GSTCD: variants seen among roughly 807,000 people sequenced by gnomAD.
The protein encoded by GSTCD is glutathione S-transferase C-terminal domain containing.
Under a neutral mutation model 68.3 loss-of-function variants are expected in GSTCD, and 44 were observed. The ratio of observed to expected loss-of-function variants is 0.64; its 90% confidence interval spans 0.51 to 0.83. The LOEUF is 0.83. Ranked by LOEUF, GSTCD falls within the 40% of genes least tolerant of loss-of-function variation. The pLI is 0.00. For synonymous variants in GSTCD, 273 were observed against 255.2 expected, an observed-to-expected ratio of 1.07 and a Z score of -0.67; for missense variants, 739 against 735.9, an observed-to-expected ratio of 1.00 and a Z score of -0.05.
At chr4:105,790,105 C>T (rs942220537) in intron 5 of GSTCD, among the ~76,000 whole-genome samples, 7 of 151,914 alleles carry the variant, frequency 4.6e-5, no homozygotes, top group African/African-American at 7.3e-5. Flanking sequence ...AGTGGAAATC[C>T]GTGCCAAGTA....
chr4:105,811,632 GTAAC>G (rs1722757691), intron 5 of GSTCD, among the ~76,000 whole-genome samples: 2 of 151,740 alleles, frequency 1.3e-5, no homozygotes, highest in Non-Finnish European at 1.5e-5. Flanking sequence ...GTATACATAT[GTAAC>G]TAACCTGCAC....
chr4:105,819,421 TA>T (rs1392831316), intron 5 of GSTCD, among the ~76,000 whole-genome samples: 1 of 151,812 alleles, frequency 6.6e-6, no homozygotes, highest in Non-Finnish European at 1.5e-5. Flanking sequence ...ACCTTCTTCT[TA>T]AATACCGTTA....
intron 5 of GSTCD, among the ~76,000 whole-genome samples, chr4:105,813,689 C>T (rs1372979029): frequency 1.3e-5 from 2 of 152,178 alleles, no homozygotes; most frequent in African/African-American, 4.8e-5. Flanking sequence ...ATCCCTAGCT[C>T]TTTTCTACCT....
At chr4:105,736,810 A>G (rs1733478317) in intron 5 of GSTCD, among the ~76,000 whole-genome samples, 1 of 151,982 alleles carries the variant, frequency 6.6e-6, no homozygotes, top group African/African-American at 2.4e-5. Context: ...TTTACCTTCC[A>G]TTTGGAAGTG....
chr4:105,782,566 T>A (rs757589662), intron 5 of GSTCD, among the ~76,000 whole-genome samples: 3 of 151,922 alleles, frequency 2.0e-5, no homozygotes, highest in Admixed American at 6.6e-5. Flanking sequence ...CTTCATAATA[T>A]ATAGGAATTA....
At chr4:105,811,785 T>A (rs1157328861) in intron 5 of GSTCD, among the ~76,000 whole-genome samples, 1 of 152,126 alleles carries the variant, frequency 6.6e-6, no homozygotes, top group Non-Finnish European at 1.5e-5. Flanking sequence ...TTAGAAGGAA[T>A]GGGCATGAAA....
chr4:105,709,592 A>G (rs1164376241), intron 1 of GSTCD, among the ~76,000 whole-genome samples: 3 of 152,146 alleles, frequency 2.0e-5, no homozygotes, highest in South Asian at 2.1e-4. Flanking sequence ...TTTGGTTTCA[A>G]AAACGTTTGC....
At chr4:105,811,572 C>T (rs1722753679) in intron 5 of GSTCD, among the ~76,000 whole-genome samples, 2 of 149,558 alleles carry the variant, frequency 1.3e-5, no homozygotes, top group African/African-American at 4.9e-5. Flanking sequence ...AGGAGATATA[C>T]CTAATGCTAG....
rs558981915 is a variant in GSTCD, at chr4:105,735,157, G to T, written c.1240+5658G>T. Among the ~76,000 whole-genome samples, 51 of 152,296 alleles carry T rather than the reference G, an allele frequency of 3.3e-4. 1 individual carries two copies. In the South Asian group the frequency reaches 0.011, roughly 32 times the overall value. ...ACCCACTTGAGGAGGCAATCTGTCA[G>T]TTCTCAGATCTCAAACTCTCTGCTG... On this transcript the variant is annotated intron_variant, in intron 5 of 11. Transcript: ENST00000515279.
chr4:105,776,597 C>G (rs1314053005), intron 5 of GSTCD, among the ~76,000 whole-genome samples: 3 of 152,136 alleles, frequency 2.0e-5, no homozygotes, highest in Non-Finnish European at 4.4e-5. Context: ...GGAGGGAGTT[C>G]CCTGACACCT....
intron 5 of GSTCD, among the ~76,000 whole-genome samples, chr4:105,797,918 A>C: frequency 6.6e-6 from 1 of 151,772 alleles, no homozygotes; most frequent in East Asian, 1.9e-4. Context: ...ACAGGTGTGC[A>C]CCACCATACC....
chr4:105,748,086 C>T (rs944149694), intron 5 of GSTCD, among the ~76,000 whole-genome samples: 1 of 151,990 alleles, frequency 6.6e-6, no homozygotes, highest in African/African-American at 2.4e-5. Flanking sequence ...AAAACCCCGT[C>T]TCAACCTAAA....
intron 5 of GSTCD, among the ~76,000 whole-genome samples, chr4:105,767,382 C>T (rs998085692): frequency 6.6e-6 from 1 of 152,086 alleles, no homozygotes; most frequent in Non-Finnish European, 1.5e-5. Context: ...TAAGGTTAAA[C>T]TTAATTTAAA....
intron 5 of GSTCD, among the ~76,000 whole-genome samples, chr4:105,773,673 G>A (rs987897337): frequency 1.3e-5 from 2 of 152,140 alleles, no homozygotes; most frequent in African/African-American, 4.8e-5. Flanking sequence ...GCAGTTTTGA[G>A]TGAGTTTCTT....
intron 5 of GSTCD, among the ~76,000 whole-genome samples, chr4:105,732,852 A>G (rs1227589435): frequency 4.6e-5 from 7 of 152,032 alleles, no homozygotes; most frequent in African/African-American, 1.7e-4. Context: ...CCCTCTACAC[A>G]CTGCTTTAAA....
At chr4:105,738,833 C>G (rs901757966) in intron 5 of GSTCD, among the ~76,000 whole-genome samples, 1 of 152,116 alleles carries the variant, frequency 6.6e-6, no homozygotes, top group African/African-American at 2.4e-5. Flanking sequence ...CTTTATTTCT[C>G]TTGCCTAATT....
chr4:105,746,531 A>G (rs1479533861), intron 5 of GSTCD: 1 of 152,240 alleles, frequency 6.6e-6, no homozygotes, highest in Admixed American at 6.5e-5. Context: ...GCTTGGGATA[A>G]TAATTTATGA....
intron 5 of GSTCD, among the ~76,000 whole-genome samples, chr4:105,775,477 C>T (rs1735019803): frequency 1.3e-5 from 2 of 152,106 alleles, no homozygotes; most frequent in African/African-American, 2.4e-5. Flanking sequence ...TCATCATCTT[C>T]GTGGATTTAT....
intron 5 of GSTCD, among the ~76,000 whole-genome samples, chr4:105,793,261 C>T (rs1735743773): frequency 6.6e-6 from 1 of 151,842 alleles, no homozygotes; most frequent in Admixed American, 6.6e-5. Flanking sequence ...ATACTGACAC[C>T]AGACTTCAGC....
Sources: gnomAD v4.1 joint callset for allele counts (sites outside exome capture counted in the v4.1 genomes callset) on GRCh38, gnomAD v4.1.1 for gene constraint, MANE v1.5 for transcripts, NCBI Gene and HGNC (gene_info 2026-07-23, HGNC 2026-07-21) for gene names.